The following EPM2A variants were observed in gnomAD, a reference collection of about 807,000 sequenced individuals.
EPM2A encodes the protein EPM2A glucan phosphatase, laforin, also known as laforin.
A neutral mutation model predicts 26.5 loss-of-function variants in EPM2A; 21 were observed. That is an observed-to-expected ratio of 0.79 (90% CI 0.56 to 1.14). The LOEUF (loss-of-function observed/expected upper bound fraction) is 1.14. Ranked by LOEUF, EPM2A falls within the 50% of genes most tolerant of loss-of-function variation. The probability of loss-of-function intolerance (pLI) is 0.00; values close to 1 mark genes in which losing one functional copy is unlikely to be tolerated. For synonymous variants in EPM2A, 217 were observed against 177.6 expected, an observed-to-expected ratio of 1.22 and a Z score of -1.76; for missense variants, 458 against 440.8, an observed-to-expected ratio of 1.04 and a Z score of -0.35.
intron 4 of EPM2A, among the ~76,000 whole-genome samples, chr6:145,418,641 C>G (rs1423251870): frequency 6.6e-6 from 1 of 152,194 alleles, no homozygotes; most frequent in Non-Finnish European, 1.5e-5. Context: ...CTTTGGGAAA[C>G]TAATTCTTCC....
chr6:145,455,002 T>A (rs1779244188), intron 4 of EPM2A, among the ~76,000 whole-genome samples: 1 of 152,170 alleles, frequency 6.6e-6, no homozygotes, highest in African/African-American at 2.4e-5. Context: ...TACATATATA[T>A]GTGTGTGTAC....
chr6:145,636,329 A>G (rs1776681847), intron 2 of EPM2A: 1 of 152,150 alleles, frequency 6.6e-6, no homozygotes, highest in Non-Finnish European at 1.5e-5. Flanking sequence ...TACTAAAAAT[A>G]CAAAAATTAG....
intron 1 of EPM2A, among the ~76,000 whole-genome samples, chr6:145,711,504 T>C (rs1775321252): frequency 6.6e-6 from 1 of 152,132 alleles, no homozygotes; most frequent in African/African-American, 2.4e-5. Context: ...CAAGAGGATA[T>C]ACAGGTCTGG....
chr6:145,425,966 T>G (rs1778849839), intron 4 of EPM2A, among the ~76,000 whole-genome samples: 1 of 152,260 alleles, frequency 6.6e-6, no homozygotes. Context: ...AAATCCATTG[T>G]TAGATATTTT....
chr6:145,389,733 T>A (rs1778312618), intron 4 of EPM2A, among the ~76,000 whole-genome samples: 1 of 152,172 alleles, frequency 6.6e-6, no homozygotes, highest in Non-Finnish European at 1.5e-5. Flanking sequence ...AGTGAAGGTC[T>A]CCTACCTCCA....
intron 2 of EPM2A, among the ~76,000 whole-genome samples, chr6:145,529,902 T>C (rs145843195): frequency 1.3e-3 from 193 of 152,342 alleles, no homozygotes; most frequent in African/African-American, 4.2e-3. Flanking sequence ...AAGTAAGTAC[T>C]GAAGCTCCTA....
chr6:145,487,187 C>T lies in EPM2A; in HGVS notation c.555+15335G>A, dbSNP rs548115678. ...GATATGATCTCATGCTTTTTTATGG[C>T]TGCATGGTATTCCATGGGTTATATG... On this transcript the variant is annotated intron_variant, in intron 4 of 4. Coordinates refer to the EPM2A transcript ENST00000638717. 1.6e-3 allele frequency among the ~76,000 whole-genome samples: 247 copies of T among 152,294 alleles called. 1 individual carries two copies. Among genetic ancestry groups the T allele is most frequent in the African/African-American group, 5.8e-3 (240 of 41,578 alleles).
At chr6:145,646,366 T>C (rs1055293690) in intron 2 of EPM2A, among the ~76,000 whole-genome samples, 8 of 151,734 alleles carry the variant, frequency 5.3e-5, no homozygotes, top group Non-Finnish European at 1.2e-4. Flanking sequence ...TTAGTAGAGA[T>C]GGGTTTTCAC....
chr6:145,602,055 T>C (rs1398721350), intron 2 of EPM2A, among the ~76,000 whole-genome samples: 1 of 152,196 alleles, frequency 6.6e-6, no homozygotes, highest in African/African-American at 2.4e-5. Context: ...GTTACATGAA[T>C]TCTCTTTGCT....
chr6:145,601,448 A>G (rs1171911893), intron 2 of EPM2A, among the ~76,000 whole-genome samples: 1 of 152,170 alleles, frequency 6.6e-6, no homozygotes, highest in Non-Finnish European at 1.5e-5. Context: ...ATTGGAGTGA[A>G]TTTAATCAGA....
chr6:145,628,833 T>C (rs1776027711), intron 3 of EPM2A: 1 of 152,280 alleles, frequency 6.6e-6, no homozygotes, highest in Non-Finnish European at 1.5e-5. Flanking sequence ...GCCACTCCCA[T>C]GTTTAGACTT....
At chr6:145,496,363 A>G (rs974442359) in intron 4 of EPM2A, among the ~76,000 whole-genome samples, 1 of 152,098 alleles carries the variant, frequency 6.6e-6, no homozygotes, top group Non-Finnish European at 1.5e-5. Flanking sequence ...CGGAATTTGA[A>G]TCTTGGCCTG....
chr6:145,735,028 G>T, intron 1 of EPM2A, 170 bp downstream of exon 1: 1 of 384,650 alleles, frequency 2.6e-6, no homozygotes, highest in Non-Finnish European at 4.5e-6. Flanking sequence ...CAGCGTGGCC[G>T]GCAGAGCAGG....
chr6:145,690,230 G>A lies in EPM2A; in HGVS notation c.302-3934C>T, dbSNP rs1176699288. Among the ~76,000 whole-genome samples, 3 of 152,134 alleles carry A rather than the reference G, an allele frequency of 2.0e-5. 1 individual carries two copies. The highest frequency in any genetic ancestry group is 7.2e-5 in the African/African-American group (3 of 41,440). ...AGGTTTGCATAAGAGCTAACCTCAG[G>A]CCGGGCACGGTGGCTCACGCCTGTA... On this transcript the variant is annotated intron_variant, in intron 1 of 3. Transcript: ENST00000367519.
At chr6:145,484,700 T>G (rs1327070673) in intron 4 of EPM2A, among the ~76,000 whole-genome samples, 42 of 151,908 alleles carry the variant, frequency 2.8e-4, no homozygotes, top group Admixed American at 2.8e-3. Context: ...GAAAACAAAA[T>G]GTCTTGCATT....
chr6:145,384,137 T>C (rs1299825840), intron 4 of EPM2A: 1 of 152,178 alleles, frequency 6.6e-6, no homozygotes, highest in Non-Finnish European at 1.5e-5. Flanking sequence ...TTGAGATTAT[T>C]TTACTTTGTA....
At chr6:145,604,317 T>C (rs1275465998) in intron 2 of EPM2A, among the ~76,000 whole-genome samples, 1 of 152,132 alleles carries the variant, frequency 6.6e-6, no homozygotes, top group Non-Finnish European at 1.5e-5. Context: ...GAAGGTTTCT[T>C]TCAGGAATTT....
intron 2 of EPM2A, among the ~76,000 whole-genome samples, chr6:145,672,346 C>T (rs1202210893): frequency 1.3e-5 from 2 of 152,010 alleles, no homozygotes; most frequent in East Asian, 1.9e-4. Context: ...AATGAAAAGA[C>T]GGTAACAATA....
chr6:145,504,288 A>G (rs1779938065), intron 2 of EPM2A, among the ~76,000 whole-genome samples: 1 of 110,424 alleles, frequency 9.1e-6, no homozygotes, highest in South Asian at 4.1e-4. Context: ...AAAAGAAACT[A>G]CCATCAGAGT....
Sources: gnomAD v4.1 joint callset for allele counts (sites outside exome capture counted in the v4.1 genomes callset) on GRCh38, gnomAD v4.1.1 for gene constraint, MANE v1.5 for transcripts, NCBI Gene and HGNC (gene_info 2026-07-23, HGNC 2026-07-21) for gene names.